The following CLSTN2 variants were observed in gnomAD, a reference collection of about 807,000 sequenced individuals.
CLSTN2 encodes calsyntenin-2.
In CLSTN2, 48 loss-of-function variants were observed where a neutral mutation model predicts 101.2. The ratio of observed to expected loss-of-function variants is 0.47; its 90% confidence interval spans 0.38 to 0.60. The LOEUF is 0.60. CLSTN2 is among the 20% of genes least tolerant of loss of function. CLSTN2 has a pLI of 0.00. For synonymous variants in CLSTN2, 481 were observed against 463.6 expected (o/e 1.04, Z -0.48); for missense variants, 1,160 against 1,238.2 (o/e 0.94, Z 0.95).
chr3:140,274,212 G>T (rs1247819723), intron 2 of CLSTN2, among the ~76,000 whole-genome samples: 4 of 152,108 alleles, frequency 2.6e-5, no homozygotes, highest in African/African-American at 9.7e-5. Flanking sequence ...CTAAGGAAAG[G>T]CCACATGGGT....
chr3:140,174,362 C>T (rs1185075337), intron 1 of CLSTN2, among the ~76,000 whole-genome samples: 1 of 152,194 alleles, frequency 6.6e-6, no homozygotes, highest in African/African-American at 2.4e-5. Context: ...GCATTTTGGG[C>T]AAAGCCATTC....
At chr3:140,523,563 T>C (rs898427286) in intron 8 of CLSTN2, among the ~76,000 whole-genome samples, 4 of 152,252 alleles carry the variant, frequency 2.6e-5, no homozygotes, top group Non-Finnish European at 5.9e-5. Context: ...GCTGAAAATA[T>C]GTGCTAAACA....
At chr3:140,512,895 C>T (rs1487073146) in intron 8 of CLSTN2, among the ~76,000 whole-genome samples, 1 of 152,078 alleles carries the variant, frequency 6.6e-6, no homozygotes, top group Non-Finnish European at 1.5e-5. Flanking sequence ...GGAGTTCATT[C>T]ATGATTTGGT....
chr3:140,254,334 C>T (rs1250022313), intron 2 of CLSTN2, among the ~76,000 whole-genome samples: 1 of 152,176 alleles, frequency 6.6e-6, no homozygotes, highest in African/African-American at 2.4e-5. Context: ...GAATGGCTCT[C>T]AATCTAGGCT....
chr3:140,122,015 G>A (rs2009349110), intron 1 of CLSTN2, among the ~76,000 whole-genome samples: 1 of 152,162 alleles, frequency 6.6e-6, no homozygotes, highest in South Asian at 2.1e-4. Flanking sequence ...TTTAGGGGGA[G>A]TGAAAAAGTA....
intron 1 of CLSTN2, among the ~76,000 whole-genome samples, chr3:140,028,088 G>A (rs1050959956): frequency 1.3e-5 from 2 of 152,232 alleles, no homozygotes; most frequent in African/African-American, 4.8e-5. Context: ...GGTAGTTGCT[G>A]TTGTTCAGGA....
chr3:140,056,806 G>A (rs1356881520), intron 1 of CLSTN2, among the ~76,000 whole-genome samples: 2 of 152,350 alleles, frequency 1.3e-5, no homozygotes, highest in Non-Finnish European at 1.5e-5. Context: ...CTATTTTGTA[G>A]CATTGAACAA....
intron 2 of CLSTN2, among the ~76,000 whole-genome samples, chr3:140,383,012 C>T (rs1429533768): frequency 6.6e-6 from 1 of 152,150 alleles, no homozygotes; most frequent in Non-Finnish European, 1.5e-5. Context: ...ACCTCCTTCC[C>T]ACAAAGAAGT....
intron 1 of CLSTN2, among the ~76,000 whole-genome samples, chr3:140,162,241 C>T (rs1480078675): frequency 6.6e-6 from 1 of 152,140 alleles, no homozygotes; most frequent in Non-Finnish European, 1.5e-5. Flanking sequence ...CCAAGGGTTC[C>T]TGGCCATATT....
chr3:140,536,685 G>A (rs1935365174), intron 9 of CLSTN2, among the ~76,000 whole-genome samples: 1 of 152,188 alleles, frequency 6.6e-6, no homozygotes, highest in South Asian at 2.1e-4. Context: ...ACCCATTGGT[G>A]AATTTTCAGC....
intron 2 of CLSTN2, among the ~76,000 whole-genome samples, chr3:140,229,407 A>G (rs892006701): frequency 2.0e-5 from 3 of 152,132 alleles, no homozygotes; most frequent in Admixed American, 1.3e-4. Flanking sequence ...GGTCACTTAG[A>G]TGCTGGAGCT....
chr3:140,173,167 T>C (rs546505192), intron 1 of CLSTN2, among the ~76,000 whole-genome samples: 30 of 152,316 alleles, frequency 2.0e-4, no homozygotes, highest in African/African-American at 7.2e-4. Flanking sequence ...ACAATGGGGA[T>C]GCAGACATTG....
rs62267967 is a variant in CLSTN2 at position 140,267,885 on chromosome 3, G to A, written c.232+91812G>A. Among the ~76,000 whole-genome samples the A allele has an allele frequency of 8.0e-3, 1,222 of 152,232 alleles. 6 individuals carry two copies. Among genetic ancestry groups the A allele is most frequent in the Middle Eastern group, 0.014 (4 of 294 alleles). On this transcript the variant is annotated intron_variant, in intron 2 of 16. Coordinates refer to ENST00000458420, the MANE Select transcript of CLSTN2 (RefSeq NM_022131.3). ...GCAGAAAAGCCTGGAGAGAATTCTC[G>A]GAAGACTGAATTCCTAGAAGGCACA...
At chr3:140,174,358 T>C (rs1054072523) in intron 1 of CLSTN2, among the ~76,000 whole-genome samples, 21 of 152,344 alleles carry the variant, frequency 1.4e-4, no homozygotes, top group African/African-American at 4.3e-4. Context: ...ATCAGCATTT[T>C]GGGCAAAGCC....
At chr3:140,213,065 A>G (rs986838977) in intron 2 of CLSTN2, among the ~76,000 whole-genome samples, 4 of 152,232 alleles carry the variant, frequency 2.6e-5, no homozygotes, top group Non-Finnish European at 5.9e-5. Context: ...CTTCATAGCC[A>G]TTAGCACTTT....
intron 2 of CLSTN2, among the ~76,000 whole-genome samples, chr3:140,355,178 A>G (rs779008199): frequency 2.6e-5 from 4 of 152,258 alleles, no homozygotes; most frequent in Non-Finnish European, 5.9e-5. Context: ...GGATAAAAAA[A>G]GTAATGACAC....
intron 4 of CLSTN2, among the ~76,000 whole-genome samples, chr3:140,407,399 G>C (rs1284844817): frequency 1.3e-5 from 2 of 152,042 alleles, no homozygotes; most frequent in Admixed American, 1.3e-4. Context: ...GAGTCAACCT[G>C]ACCTGTCTTT....
At chr3:140,190,049 G>A (rs2010537767) in intron 2 of CLSTN2, among the ~76,000 whole-genome samples, 1 of 152,152 alleles carries the variant, frequency 6.6e-6, no homozygotes, top group East Asian at 1.9e-4. Context: ...GGGTAGAAAG[G>A]GGAAGACAGC....
intron 1 of CLSTN2, among the ~76,000 whole-genome samples, chr3:140,133,303 C>CGGGAAAA: frequency 6.6e-6 from 1 of 152,180 alleles, no homozygotes; most frequent in African/African-American, 2.4e-5. Flanking sequence ...AAACACCTCC[C>CGGGAAAA]ATCAGGTCCC....
Sources: gnomAD v4.1 joint callset for allele counts (sites outside exome capture counted in the v4.1 genomes callset) on GRCh38, gnomAD v4.1.1 for gene constraint, MANE v1.5 for transcripts, NCBI Gene and HGNC (gene_info 2026-07-23, HGNC 2026-07-21) for gene names.